The following SYNE2 variants were observed in gnomAD, a reference collection of about 807,000 sequenced individuals.
SYNE2 encodes the protein nesprin-2.
SYNE2 carries 431 observed loss-of-function variants against 856.3 expected under a neutral mutation model. That is an observed-to-expected ratio of 0.50 (90% CI 0.47 to 0.55). The LOEUF is 0.55. SYNE2 is among the 20% of genes least tolerant of loss of function. The pLI is 0.00. For missense variants in SYNE2, 8,129 were observed against 8,023.2 expected (o/e 1.01, Z -0.50); for synonymous variants, 2,923 against 2,872.3 (o/e 1.02, Z -0.56).
intron 1 of SYNE2, among the ~76,000 whole-genome samples, chr14:63,789,540 G>C (rs1887657059): frequency 6.6e-6 from 1 of 152,088 alleles, no homozygotes; most frequent in Non-Finnish European, 1.5e-5. Context: ...CTAGCACTTT[G>C]GGAGGCCAAG....
intron 7 of SYNE2, among the ~76,000 whole-genome samples, chr14:63,951,324 G>A (rs559375892): frequency 3.7e-4 from 56 of 151,584 alleles, no homozygotes; most frequent in Admixed American, 1.9e-3. Context: ...TTTTTTGAGA[G>A]AGAGTTTCGC....
chr14:64,213,296 C>T (rs2098651022), intron 105 of SYNE2, among the ~76,000 whole-genome samples: 1 of 152,142 alleles, frequency 6.6e-6, no homozygotes. Context: ...TGCGTCACTA[C>T]CCCTAGAATT....
rs373562567 is a variant in SYNE2, at chr14:64,032,444, C to T, written c.7221+1087C>T. Among the ~76,000 whole-genome samples, 14 of 152,246 alleles carry T rather than the reference C, an allele frequency of 9.2e-5. No individual in the cohort carries two copies. In the East Asian group the frequency reaches 2.1e-3, roughly 23 times the overall value. ...GGGCATGACAGTGCACATCTGTTATCCCAGCTCCTTGGGAGGCTGAGATGG... is the reference window on the plus strand; with the variant it reads ...GGGCATGACAGTGCACATCTGTTATTCCAGCTCCTTGGGAGGCTGAGATGG... On this transcript the variant is annotated intron_variant, in intron 45 of 115. Transcript: ENST00000555002.
At chr14:64,190,562 T>TTA in intron 99 of SYNE2, 1 of 698,854 alleles carries the variant, frequency 1.4e-6, no homozygotes, top group Non-Finnish European at 2.6e-6. Flanking sequence ...AGCATTTGTG[T>TTA]GTCCCCACAG....
chr14:64,158,601 A>G, intron 85 of SYNE2, 24 bp from the exon 86 acceptor site: 1 of 1,613,266 alleles, frequency 6.2e-7, no homozygotes, highest in Non-Finnish European at 8.5e-7. Context: ...TTTCTAAATC[A>G]GTACGTTTCC....
intron 2 of SYNE2, among the ~76,000 whole-genome samples, chr14:63,925,564 T>C (rs1412868661): frequency 2.0e-5 from 3 of 152,198 alleles, no homozygotes; most frequent in Non-Finnish European, 4.4e-5. Flanking sequence ...TTTTTTACCA[T>C]AGTCACCCTG....
chr14:63,819,641 A>G (rs989996981), intron 1 of SYNE2, among the ~76,000 whole-genome samples: 1 of 150,876 alleles, frequency 6.6e-6, no homozygotes, highest in Non-Finnish European at 1.5e-5. Context: ...GGTTCATGCC[A>G]TTCTCCTGCC....
rs749849402 is a variant in SYNE2 at position 64,128,529 on chromosome 14, G to T, written c.13995G>T (p.Gly4665=). 6 of 1,608,272 alleles carry T rather than the reference G, an allele frequency of 3.7e-6. No individual in the cohort carries two copies. The highest frequency in any genetic ancestry group is 5.1e-6 in the Non-Finnish European group (6 of 1,174,666). ...SLQQSLNEIS[G]QSVAEQLQKA... ...AACAGTCTTTGAATGAAATCAGTGG[G>T]CAGAGTGTTGCTGAACAGCTTCAGG... The change falls in exon 74 of 116, where the codon GGG becomes GGT. Residue 4665 remains glycine (G), a synonymous_variant. Transcript: ENST00000555002.
chr14:64,057,231 A>G (rs1047251132), intron 49 of SYNE2, among the ~76,000 whole-genome samples: 2 of 151,824 alleles, frequency 1.3e-5, no homozygotes, highest in Non-Finnish European at 2.9e-5. Flanking sequence ...CATTCTTTCT[A>G]TTATTTTGTA....
intron 17 of SYNE2, among the ~76,000 whole-genome samples, chr14:63,983,217 G>A (rs756387841): frequency 2.0e-3 from 304 of 152,134 alleles, no homozygotes; most frequent in Non-Finnish European, 3.4e-3. Context: ...TTGTTTATCC[G>A]TTCTCTAGTT....
intron 65 of SYNE2, among the ~76,000 whole-genome samples, chr14:64,111,499 T>G (rs1447597785): frequency 2.0e-5 from 3 of 152,000 alleles, no homozygotes; most frequent in Non-Finnish European, 4.4e-5. Flanking sequence ...ACTGTTGCTT[T>G]TTTTAAAAAA....
At chr14:63,932,500 A>C (rs973026616) in intron 2 of SYNE2, among the ~76,000 whole-genome samples, 3 of 152,176 alleles carry the variant, frequency 2.0e-5, no homozygotes. Flanking sequence ...TGAGCCCAGG[A>C]GTTCAAGACC....
intron 8 of SYNE2, 23 bp downstream of exon 8, chr14:63,954,938 A>C: frequency 6.3e-7 from 1 of 1,582,446 alleles, no homozygotes; most frequent in South Asian, 1.1e-5. Flanking sequence ...CTTTGTTTTT[A>C]AAACAATCTT....
At chr14:63,955,093 A>G (rs547545196) in intron 8 of SYNE2, among the ~76,000 whole-genome samples, 178 bp downstream of exon 8, 46 of 152,302 alleles carry the variant, frequency 3.0e-4, no homozygotes, top group Non-Finnish European at 5.0e-4. Flanking sequence ...TGTTAACTTC[A>G]GTAATTATAG....
At chr14:63,854,073 C>A (rs1421246986) in intron 1 of SYNE2, among the ~76,000 whole-genome samples, 2 of 151,922 alleles carry the variant, frequency 1.3e-5, no homozygotes, top group South Asian at 4.2e-4. Flanking sequence ...AGCGTCTGAG[C>A]TGGACGCCGC....
chr14:64,013,682 C>T (rs958046940), intron 32 of SYNE2, among the ~76,000 whole-genome samples: 1 of 152,146 alleles, frequency 6.6e-6, no homozygotes, highest in Non-Finnish European at 1.5e-5. Context: ...ACCAGGAGAA[C>T]GAAGACCTGG....
At chr14:64,203,984 T>C (rs1022965590) in intron 100 of SYNE2, among the ~76,000 whole-genome samples, 1 of 152,236 alleles carries the variant, frequency 6.6e-6, no homozygotes, top group African/African-American at 2.4e-5. Context: ...CCTGAGTAGA[T>C]GGCACTGCAG....
Position 64,053,363 on chromosome 14 carries a change from T to G in SYNE2, c.9450T>G (p.Asp3150Glu). Residue 3150 changes from aspartate to glutamate, a missense_variant, in exon 48 of 116, where the codon GAT becomes GAG. Transcript: ENST00000555002. ...MVLELSPKEL[D>E]EKNCQDKLET... ...TAGAACTCTCACCAAAAGAATTGGA[T>G]GAAAAGAATTGTCAGGACAAACTAG... 1 of 1,613,622 alleles carries G rather than the reference T, an allele frequency of 6.2e-7. No individual in the cohort carries two copies. Among genetic ancestry groups the G allele is most frequent in the Non-Finnish European group, 8.5e-7 (1 of 1,179,926 alleles).
In SYNE2 at chr14:64,049,697, C is replaced by G; in HGVS notation, c.7464C>G (p.Ala2488=). 1 of 1,614,108 alleles carries G rather than the reference C, an allele frequency of 6.2e-7. No individual in the cohort carries two copies. The highest frequency in any genetic ancestry group is 8.5e-7 in the Non-Finnish European group (1 of 1,180,010). Residue 2488 remains alanine (A), a synonymous_variant, in exon 47 of 116, where the codon GCC becomes GCG. Coordinates refer to ENST00000555002, the MANE Select transcript of SYNE2 (RefSeq NM_182914.3). ...TECLNKTETG[A]LVLHNIGYSA... ...GTCTTAACAAAACAGAAACTGGGGC[C>G]TTGGTTCTCCACAATATAGGATATT...
Sources: gnomAD v4.1 joint callset for allele counts (sites outside exome capture counted in the v4.1 genomes callset) on GRCh38, gnomAD v4.1.1 for gene constraint, MANE v1.5 for transcripts, NCBI Gene and HGNC (gene_info 2026-07-23, HGNC 2026-07-21) for gene names.